The following TRHDE variants were observed in gnomAD, a reference collection of about 807,000 sequenced individuals.
TRHDE encodes thyrotropin releasing hormone degrading enzyme, also known as thyrotropin-releasing hormone-degrading ectoenzyme.
In TRHDE, 72 loss-of-function variants were observed where a neutral mutation model predicts 125.7. The observed-to-expected ratio is 0.57, with a 90% CI of 0.47 to 0.70. TRHDE has a LOEUF of 0.70. TRHDE is among the 30% of genes least tolerant of loss of function. The pLI is 0.00. For synonymous variants in TRHDE, 509 were observed against 509.1 expected (o/e 1.00, Z 0.00); for missense variants, 1,110 against 1,327.1 (o/e 0.84, Z 2.54).
At chr12:72,322,082 C>A (rs1262939843) in intron 2 of TRHDE, among the ~76,000 whole-genome samples, 2 of 152,110 alleles carry the variant, frequency 1.3e-5, no homozygotes, top group East Asian at 3.9e-4. Context: ...ATTCTATTTG[C>A]TAAAATGTAT....
rs774397700 is a variant in TRHDE, at chr12:72,469,785, A to T, written c.1343A>T (p.Tyr448Phe). Reference sequence around the variant, plus strand: ...CTTTTAGCTGTGCCTAAGCATCCGTATGCTGCTATGGAGAACTGGGGACTA... The same window carrying T: ...CTTTTAGCTGTGCCTAAGCATCCGTTTGCTGCTATGGAGAACTGGGGACTA... The part of the protein sequence containing the change: ...LDLLAVPKHP[Y>F]AAMENWGLSI... Residue 448 changes from tyrosine (Y) to phenylalanine (F), a missense_variant, in exon 4 of 19, where the codon TAT becomes TTT. By Grantham distance (22) the Tyr-to-Phe change is conservative. This residue lies in a region of TRHDE where 252 missense variants were observed against 274.8 expected (regional missense o/e 0.92). Transcript: ENST00000261180. 1 of 1,614,100 alleles carries T rather than the reference A, an allele frequency of 6.2e-7. No homozygotes were observed. The highest frequency in any genetic ancestry group is 1.1e-5 in the South Asian group (1 of 91,078).
At chr12:72,221,061 G>T (rs1351295000) in intron 2 of TRHDE, among the ~76,000 whole-genome samples, 1 of 152,024 alleles carries the variant, frequency 6.6e-6, no homozygotes, top group Non-Finnish European at 1.5e-5. Flanking sequence ...ATTTGCAGAA[G>T]ATATAATCAT....
intron 3 of TRHDE, among the ~76,000 whole-genome samples, chr12:72,451,464 A>G (rs1369557983): frequency 2.6e-5 from 4 of 152,028 alleles, no homozygotes; most frequent in African/African-American, 9.7e-5. Flanking sequence ...TGGGCTCCCT[A>G]TTTTGTTCTA....
intron 2 of TRHDE, among the ~76,000 whole-genome samples, chr12:72,183,684 G>A (rs1170149842): frequency 6.6e-6 from 1 of 152,142 alleles, no homozygotes; most frequent in Non-Finnish European, 1.5e-5. Flanking sequence ...TCTTCATGCA[G>A]AGTTTGGAGT....
chr12:72,200,943 T>C (rs951510852), intron 2 of TRHDE, among the ~76,000 whole-genome samples: 2 of 152,206 alleles, frequency 1.3e-5, no homozygotes, highest in Non-Finnish European at 2.9e-5. Context: ...TGAGCTAAAC[T>C]GAGCCTTAGC....
At position 72,667,006 on chromosome 12, in the gene TRHDE, T is replaced by C. The variant is rs1163009904; in HGVS notation, c.*3811T>C. The C allele has an allele frequency of 2.6e-5, 4 of 152,010 alleles. No homozygotes were observed. The highest frequency in any genetic ancestry group is 2.0e-4 in the Admixed American group (3 of 15,232). The allele number at this position is 152,010 out of a possible 1,614,324, so 9.4% of individuals were successfully genotyped here. On this transcript the variant is annotated 3_prime_UTR_variant, in exon 19 of 19. Coordinates refer to ENST00000261180, the MANE Select transcript of TRHDE (RefSeq NM_013381.3). ...TAGTAACAGATGGTCAGAATGCAGA[T>C]AAATTGTGTGCATCTCAATCAGTAA...
In TRHDE at chr12:72,164,845, T is replaced by C. The variant is rs892047522; in HGVS notation, n.279+59093T>C. Among the ~76,000 whole-genome samples, 7 of 152,316 alleles carry C rather than the reference T, an allele frequency of 4.6e-5. No individual in the cohort carries two copies. In the East Asian group the frequency reaches 1.3e-3, roughly 29 times the overall value. ...GCAAGGGATGAGCTAGGGGCACAGA[T>C]GTTTTTCACAGACTAGGAACAAATC... is the stretch of plus-strand genomic sequence containing the variant. On this transcript the variant is annotated intron_variant and non_coding_transcript_variant, in intron 2 of 4. Coordinates refer to the TRHDE transcript ENST00000548156.
chr12:72,659,079 G>A (rs1874815511), intron 18 of TRHDE, among the ~76,000 whole-genome samples: 1 of 152,076 alleles, frequency 6.6e-6, no homozygotes, highest in South Asian at 2.1e-4. Context: ...TATTTCCAAG[G>A]GTTTATAGAT....
upstream of TRHDE, among the ~76,000 whole-genome samples, chr12:72,267,550 A>G (rs1879095754): frequency 6.6e-6 from 1 of 151,914 alleles, no homozygotes; most frequent in Non-Finnish European, 1.5e-5. Context: ...AGGTTAGGAA[A>G]TATTTCTATT....
rs143430714 is a variant in TRHDE, at chr12:72,606,079, T to G, written c.2322-12812T>G. ...ATTGTTTCCACAGTGTTGACCAACA[T>G]GCTGCCAGTCTGACTTCCCACTTCT... is the stretch of plus-strand genomic sequence containing the variant. On this transcript the variant is annotated intron_variant, in intron 12 of 18. Transcript: ENST00000261180. Among the ~76,000 whole-genome samples the G allele has an allele frequency of 1.7e-3, 262 of 152,330 alleles. 1 individual carries two copies. The highest frequency in any genetic ancestry group is 2.6e-3 in the Non-Finnish European group (176 of 68,018).
intron 2 of TRHDE, among the ~76,000 whole-genome samples, chr12:72,211,177 G>A (rs11179107): frequency 0.12 from 17,748 of 152,070 alleles, 1,817 homozygotes; most frequent in African/African-American, 0.28. Flanking sequence ...TTGGATTACA[G>A]AGGTTCCACA....
intron 2 of TRHDE, among the ~76,000 whole-genome samples, chr12:72,261,367 T>C (rs1305354250): frequency 6.6e-6 from 1 of 152,194 alleles, no homozygotes; most frequent in East Asian, 1.9e-4. Flanking sequence ...TTGTCTGGAC[T>C]TTACAAAACC....
intron 15 of TRHDE, among the ~76,000 whole-genome samples, chr12:72,647,904 A>C (rs1168339998): frequency 6.6e-6 from 1 of 152,120 alleles, no homozygotes; most frequent in Non-Finnish European, 1.5e-5. Flanking sequence ...GAACACTTCC[A>C]AACTTATGTT....
At chr12:72,652,769 C>G (rs1262589904) in intron 16 of TRHDE, among the ~76,000 whole-genome samples, 2 of 151,586 alleles carry the variant, frequency 1.3e-5, no homozygotes, top group Non-Finnish European at 2.9e-5. Flanking sequence ...TTTGAATCAT[C>G]AAACCAGAAT....
chr12:72,592,861 C>T (rs1312990187), intron 12 of TRHDE, among the ~76,000 whole-genome samples: 2 of 152,072 alleles, frequency 1.3e-5, no homozygotes, highest in African/African-American at 2.4e-5. Context: ...CAGACACCTG[C>T]CACTATGCCC....
chr12:72,500,371 T>C (rs1221059054), intron 6 of TRHDE, among the ~76,000 whole-genome samples: 2 of 152,076 alleles, frequency 1.3e-5, no homozygotes, highest in Non-Finnish European at 2.9e-5. Flanking sequence ...GTAGGTTAAA[T>C]TGCATTTGTT....
Position 72,584,796 on chromosome 12 carries a change from C to T in TRHDE, c.2321+9254C>T, listed in dbSNP as rs80038419. 6.1e-3 allele frequency among the ~76,000 whole-genome samples: 935 copies of T among 152,184 alleles called. 8 individuals carry two copies. The highest frequency in any genetic ancestry group is 0.022 in the African/African-American group (906 of 41,512). ...TACCACATTTTCTTTATCAGTTCATCCATTGATAGAAACTTAGGTTAATTC... is the reference window on the plus strand; with the variant it reads ...TACCACATTTTCTTTATCAGTTCATTCATTGATAGAAACTTAGGTTAATTC... On this transcript the variant is annotated intron_variant, in intron 12 of 18. Coordinates refer to ENST00000261180, the MANE Select transcript of TRHDE (RefSeq NM_013381.3).
At position 72,562,376 on chromosome 12, in the gene TRHDE, A is replaced by G. The variant is rs1280829540; in HGVS notation, c.1854+146A>G. ...TGTTCATATTGATTTTTTGTTTTAT[A>G]TAATATATTGTAAAATAAAGGGGTT... On this transcript the variant is annotated intron_variant, in intron 8 of 18. Coordinates refer to ENST00000261180, the MANE Select transcript of TRHDE (RefSeq NM_013381.3). 5.4e-5 allele frequency: 25 copies of G among 465,848 alleles called. No individual in the cohort carries two copies. In the Admixed American group the frequency reaches 9.0e-4, roughly 17 times the overall value. 28.9% of individuals were successfully genotyped at this position (465,848 alleles called of 1,614,324 possible).
chr12:72,270,843 T>C (rs887023335), upstream of TRHDE, among the ~76,000 whole-genome samples: 3 of 152,246 alleles, frequency 2.0e-5, no homozygotes, highest in Non-Finnish European at 2.9e-5. Flanking sequence ...TAAACTCCAA[T>C]ATACTCAGAC....
Sources: allele counts gnomAD v4.1 joint callset (sites outside exome capture counted in the v4.1 genomes callset), GRCh38; gene constraint gnomAD v4.1.1; regional missense constraint gnomAD v4.1.1; transcripts MANE v1.5; gene names NCBI Gene and HGNC (gene_info 2026-07-23, HGNC 2026-07-21).